The following LINGO2 variants were observed in gnomAD, a reference collection of about 807,000 sequenced individuals.
LINGO2 encodes leucine-rich repeat and immunoglobulin-like domain-containing nogo receptor-interacting protein 2.
Under a neutral mutation model 30.6 loss-of-function variants are expected in LINGO2, and 14 were observed. That is an observed-to-expected ratio of 0.46 (90% CI 0.30 to 0.72). The LOEUF (loss-of-function observed/expected upper bound fraction) is 0.72, where lower values mean the gene tolerates loss of function less well. LINGO2 is among the 30% of genes least tolerant of loss of function. The pLI, the probability that LINGO2 is intolerant of heterozygous loss-of-function variation, is 0.07. For missense variants in LINGO2, 729 were observed against 751.7 expected, an observed-to-expected ratio of 0.97 and a Z score of 0.35; for synonymous variants, 317 against 288.5, an observed-to-expected ratio of 1.10 and a Z score of -1.00.
intron 4 of LINGO2, among the ~76,000 whole-genome samples, chr9:28,120,308 G>A (rs562819869): frequency 1.6e-4 from 25 of 152,270 alleles, no homozygotes; most frequent in Non-Finnish European, 3.1e-4. Context: ...AGATGGGGAC[G>A]GTCTTTCTTT....
At chr9:28,896,695 G>C in the LINGO2 span, among the ~76,000 whole-genome samples, 7 of 152,046 alleles carry the variant, frequency 4.6e-5, no homozygotes, top group Non-Finnish European at 8.8e-5. Context: ...GAAAGACTTA[G>C]ATTGGAATAC....
At chr9:28,932,386 G>C in the LINGO2 span, among the ~76,000 whole-genome samples, 1 of 151,996 alleles carries the variant, frequency 6.6e-6, no homozygotes, top group Non-Finnish European at 1.5e-5. Context: ...ATCTGATCCA[G>C]GACTGGAGTC....
At chr9:28,216,617 A>C (rs1820777116) in intron 4 of LINGO2, among the ~76,000 whole-genome samples, 2 of 151,938 alleles carry the variant, frequency 1.3e-5, no homozygotes, top group Admixed American at 1.3e-4. Flanking sequence ...TTGAGAATGC[A>C]ATCCAAAAAT....
At chr9:28,674,441 G>A (rs1829143173), upstream of LINGO2, among the ~76,000 whole-genome samples, 1 of 152,074 alleles carries the variant, frequency 6.6e-6, no homozygotes. Flanking sequence ...ACATTTGAAT[G>A]TTTCTAGGTA....
chr9:29,159,596 C>G, the LINGO2 span, among the ~76,000 whole-genome samples: 1 of 152,052 alleles, frequency 6.6e-6, no homozygotes, highest in African/African-American at 2.4e-5. Context: ...GTGGCTCATG[C>G]CTGTAATCCC....
At chr9:28,904,542 A>G in the LINGO2 span, among the ~76,000 whole-genome samples, 2 of 152,020 alleles carry the variant, frequency 1.3e-5, no homozygotes, top group Non-Finnish European at 2.9e-5. Flanking sequence ...GAAAATCTGT[A>G]CTGTTTTTAT....
At chr9:28,720,513 G>C in the LINGO2 span, among the ~76,000 whole-genome samples, 10 of 151,872 alleles carry the variant, frequency 6.6e-5, no homozygotes, top group African/African-American at 2.4e-4. Flanking sequence ...CTTTCCCCCA[G>C]TTCTCCCACA....
intron 1 of LINGO2, among the ~76,000 whole-genome samples, chr9:28,668,504 C>T (rs182265690): frequency 6.6e-6 from 1 of 151,514 alleles, no homozygotes; most frequent in South Asian, 2.1e-4. Context: ...TAAATAACTT[C>T]TAATAATTTC....
chr9:28,098,434 TTGTCAC>T (rs1357849676), intron 4 of LINGO2, among the ~76,000 whole-genome samples: 1 of 152,206 alleles, frequency 6.6e-6, no homozygotes, highest in African/African-American at 2.4e-5. Context: ...TCATATTTCT[TTGTCAC>T]TGTCTGTTTC....
chr9:28,738,002 A>T, the LINGO2 span, among the ~76,000 whole-genome samples: 1 of 152,120 alleles, frequency 6.6e-6, no homozygotes, highest in Non-Finnish European at 1.5e-5. Flanking sequence ...ATTCCCTCTC[A>T]GCAACTAAAA....
chr9:29,187,808 T>C, the LINGO2 span, among the ~76,000 whole-genome samples: 2 of 148,222 alleles, frequency 1.3e-5, no homozygotes, highest in Admixed American at 6.8e-5. Flanking sequence ...TTTTGCTTAT[T>C]ATGTCAGTTG....
chr9:29,134,696 T>A, the LINGO2 span, among the ~76,000 whole-genome samples: 2 of 152,230 alleles, frequency 1.3e-5, no homozygotes, highest in East Asian at 3.9e-4. Context: ...TCATAGTAAT[T>A]TAGCCATTCT....
At chr9:28,631,980 T>C (rs954907758) in intron 1 of LINGO2, among the ~76,000 whole-genome samples, 1 of 152,116 alleles carries the variant, frequency 6.6e-6, no homozygotes, top group Non-Finnish European at 1.5e-5. Flanking sequence ...CTAAAGATCA[T>C]AGGTTTGGTA....
chr9:28,591,005 A>T (rs1160435226), intron 1 of LINGO2, among the ~76,000 whole-genome samples: 1 of 152,022 alleles, frequency 6.6e-6, no homozygotes, highest in Non-Finnish European at 1.5e-5. Flanking sequence ...CATGTCCTTT[A>T]TAGGGACATG....
upstream of LINGO2, among the ~76,000 whole-genome samples, chr9:28,672,211 A>G (rs1829046124): frequency 6.6e-6 from 1 of 152,154 alleles, no homozygotes; most frequent in South Asian, 2.1e-4. Flanking sequence ...GTAGGACACT[A>G]GGCAGAAAAA....
the LINGO2 span, among the ~76,000 whole-genome samples, chr9:28,804,915 A>G: frequency 6.6e-6 from 1 of 152,146 alleles, no homozygotes; most frequent in Non-Finnish European, 1.5e-5. Context: ...ATGTTCTTCA[A>G]TTTTAAAATG....
the LINGO2 span, among the ~76,000 whole-genome samples, chr9:28,840,810 T>G: frequency 6.6e-6 from 1 of 151,910 alleles, no homozygotes; most frequent in Non-Finnish European, 1.5e-5. Flanking sequence ...AGATGTGGTG[T>G]GAGGTCTCCA....
At position 28,064,778 on chromosome 9, in the gene LINGO2, T is replaced by C. The variant is rs928034127; in HGVS notation, c.-86-52373A>G. On this transcript the variant is annotated intron_variant, in intron 4 of 5. Coordinates refer to ENST00000379992, the Ensembl canonical transcript of LINGO2. ...ATTAACCCTTAGAGGGCTAATCTGC[T>C]TGCCCAAACAAAACCAAACCTGGTG... is the stretch of plus-strand genomic sequence containing the variant. Among the ~76,000 whole-genome samples, 7 of 152,206 alleles carry C rather than the reference T, an allele frequency of 4.6e-5. No individual in the cohort carries two copies. In the East Asian group the frequency reaches 1.4e-3, roughly 30 times the overall value.
At chr9:28,090,524 C>A (rs1826048318) in intron 4 of LINGO2, among the ~76,000 whole-genome samples, 1 of 152,232 alleles carries the variant, frequency 6.6e-6, no homozygotes, top group Non-Finnish European at 1.5e-5. Flanking sequence ...GCCCTTCATG[C>A]TAAAAACGCT....
Sources: allele counts gnomAD v4.1 joint callset (sites outside exome capture counted in the v4.1 genomes callset), GRCh38; gene constraint gnomAD v4.1.1; transcripts MANE v1.5; gene names NCBI Gene and HGNC (gene_info 2026-07-23, HGNC 2026-07-21).